The following PTPN3 variants were observed in gnomAD, a reference collection of about 807,000 sequenced individuals.
PTPN3 encodes the protein tyrosine-protein phosphatase non-receptor type 3.
A neutral mutation model predicts 132.7 loss-of-function variants in PTPN3; 96 were observed. The observed-to-expected ratio is 0.72, with a 90% confidence interval of 0.61 to 0.86. PTPN3 has a LOEUF of 0.86. PTPN3 is among the 40% of genes least tolerant of loss of function. PTPN3 has a pLI of 0.00. For synonymous variants in PTPN3, 398 were observed against 429.0 expected, an observed-to-expected ratio of 0.93 and a Z score of 0.89; for missense variants, 1,125 against 1,159.6, an observed-to-expected ratio of 0.97 and a Z score of 0.43.
At chr9:109,384,335 A>G (rs1372122583) in intron 22 of PTPN3, among the ~76,000 whole-genome samples, 1 of 152,196 alleles carries the variant, frequency 6.6e-6, no homozygotes, top group Non-Finnish European at 1.5e-5. Context: ...GAAGCCCTTG[A>G]AGGCTTTCTT....
At chr9:109,431,451 GCC>G (rs1384725649) in intron 10 of PTPN3, among the ~76,000 whole-genome samples, 3 of 152,200 alleles carry the variant, frequency 2.0e-5, no homozygotes, top group Non-Finnish European at 4.4e-5. Flanking sequence ...TGCCCATTGT[GCC>G]CTCTGCTTAG....
intron 1 of PTPN3, among the ~76,000 whole-genome samples, chr9:109,475,655 A>T (rs1276012325): frequency 1.3e-5 from 2 of 152,212 alleles, no homozygotes; most frequent in African/African-American, 4.8e-5. Context: ...TCAGGCACAG[A>T]CACGCCCATT....
At chr9:109,498,344 G>A (rs1847784500), upstream of PTPN3, 1 of 146,386 alleles carries the variant, frequency 6.8e-6, no homozygotes. This position sits in a 1 kb window ranked among gnomAD's most constrained non-coding sequence, Gnocchi z 4.2. Flanking sequence ...GGTTCCCGCC[G>A]GCCGGGCTGG....
At chr9:109,421,781 G>A (rs758580919) in intron 13 of PTPN3, among the ~76,000 whole-genome samples, 5 of 152,202 alleles carry the variant, frequency 3.3e-5, no homozygotes, top group East Asian at 1.9e-4. Flanking sequence ...CCAGTGAAGG[G>A]GTCCTTCCCT....
chr9:109,384,150 C>T (rs966675377), intron 22 of PTPN3, among the ~76,000 whole-genome samples: 3 of 152,120 alleles, frequency 2.0e-5, no homozygotes, highest in Admixed American at 2.0e-4. Flanking sequence ...GTGAGGCGGC[C>T]GGCGTGGGTG....
At chr9:109,384,339 C>T (rs1291523318) in intron 22 of PTPN3, among the ~76,000 whole-genome samples, 1 of 152,194 alleles carries the variant, frequency 6.6e-6, no homozygotes, top group Non-Finnish European at 1.5e-5. Context: ...CCCTTGAAGG[C>T]TTTCTTAGGT....
intron 19 of PTPN3, among the ~76,000 whole-genome samples, chr9:109,401,119 G>A (rs964011190): frequency 3.9e-5 from 6 of 152,252 alleles, no homozygotes; most frequent in African/African-American, 9.6e-5. Context: ...TTGAGGAACT[G>A]TATAGACAAA....
intron 1 of PTPN3, among the ~76,000 whole-genome samples, chr9:109,479,672 C>T (rs1468807862): frequency 6.6e-6 from 1 of 152,192 alleles, no homozygotes; most frequent in Admixed American, 6.5e-5. Context: ...CTCCGCCTCC[C>T]AGGCTCAATG....
intron 8 of PTPN3, among the ~76,000 whole-genome samples, 200 bp downstream of exon 8, chr9:109,437,914 T>C (rs17201542): frequency 0.038 from 5,846 of 152,284 alleles, 196 homozygotes; most frequent in East Asian, 0.2. Context: ...CCTAAACTCT[T>C]ACTGGATTTT....
the PTPN3 span, among the ~76,000 whole-genome samples, chr9:109,512,618 C>T: frequency 2.6e-5 from 4 of 152,174 alleles, no homozygotes; most frequent in African/African-American, 7.2e-5. Flanking sequence ...ACATTGAAAC[C>T]GGAAACACCA....
intron 1 of PTPN3, among the ~76,000 whole-genome samples, chr9:109,480,212 C>T (rs1047305894): frequency 1.3e-5 from 2 of 151,942 alleles, no homozygotes; most frequent in Non-Finnish European, 2.9e-5. Flanking sequence ...CTCGCTCTGT[C>T]ACCCAGGCTG....
chr9:109,452,040 C>T (rs759467216), intron 5 of PTPN3, among the ~76,000 whole-genome samples: 8 of 152,010 alleles, frequency 5.3e-5, no homozygotes, highest in Admixed American at 1.3e-4. Context: ...GAGGCCGAGG[C>T]GGGCAGATCA....
chr9:109,383,898 G>C (rs1234051904), intron 22 of PTPN3, among the ~76,000 whole-genome samples: 1 of 151,000 alleles, frequency 6.6e-6, no homozygotes, highest in African/African-American at 2.4e-5. Context: ...CAGCCCCTCA[G>C]GCCCCTCCCC....
chr9:109,466,154 T>C (rs59691558), intron 1 of PTPN3, among the ~76,000 whole-genome samples: 46,223 of 152,052 alleles, frequency 0.3, 7,474 homozygotes, highest in South Asian at 0.4. Context: ...TTTTGCTCAT[T>C]GTACCTCCAA....
At position 109,498,032 on chromosome 9, in the gene PTPN3, C is replaced by A. The variant is rs1266217393; in HGVS notation, c.-18+187G>T. ...CCGCCCCGGCCCCGCCAGGTGAGCG[C>A]AGCGGGGCGCCCCCTCCCCGCCCCG... is the stretch of plus-strand genomic sequence containing the variant. On this transcript the variant is annotated intron_variant, in intron 1 of 25. Transcript: ENST00000374541. This position sits in a 1 kb window ranked among gnomAD's most constrained non-coding sequence, Gnocchi z 4.2. Among the ~76,000 whole-genome samples, 2 of 145,230 alleles carry A rather than the reference C, an allele frequency of 1.4e-5. No individual in the cohort carries two copies. The highest frequency in any genetic ancestry group is 4.9e-5 in the African/African-American group (2 of 40,616).
chr9:109,492,366 G>A (rs544469868), intron 1 of PTPN3, among the ~76,000 whole-genome samples: 1 of 152,334 alleles, frequency 6.6e-6, no homozygotes, highest in South Asian at 2.1e-4. Flanking sequence ...AGTCCTGGAT[G>A]CTCCCTCTTG....
intron 1 of PTPN3, among the ~76,000 whole-genome samples, chr9:109,469,904 T>C (rs994567241): frequency 6.6e-6 from 1 of 152,150 alleles, no homozygotes; most frequent in African/African-American, 2.4e-5. Context: ...CAGGGACAGC[T>C]CTGCTCTTTC....
At position 109,449,295 on chromosome 9, in the gene PTPN3, T is replaced by C. The variant is rs764140084; in HGVS notation, c.369-440A>G. ...CCAGGATCCATCCACCCAAGCTCCA[T>C]CTGCATGAAGTTGCTAAAAGGAGGG... On this transcript the variant is annotated intron_variant, in intron 5 of 25. Coordinates refer to ENST00000374541, the MANE Select transcript of PTPN3 (RefSeq NM_002829.4). The C allele has an allele frequency of 1.5e-4, 147 of 990,386 alleles. 1 individual carries two copies. The highest frequency in any genetic ancestry group is 5.1e-4 in the Middle Eastern group (1 of 1,964). 61.3% of individuals were successfully genotyped at this position (990,386 alleles called of 1,614,324 possible). A position where few individuals can be genotyped will look rare whatever the true frequency, so the allele number is the denominator to read the frequency against.
intron 19 of PTPN3, among the ~76,000 whole-genome samples, chr9:109,402,526 G>A (rs1324588795): frequency 6.6e-6 from 1 of 151,840 alleles, no homozygotes; most frequent in Non-Finnish European, 1.5e-5. Context: ...TGATCCACTC[G>A]CCTCAGCCTC....
Sources: gnomAD v4.1 joint callset for allele counts (sites outside exome capture counted in the v4.1 genomes callset) on GRCh38, gnomAD v4.1.1 for gene constraint, Gnocchi (gnomAD v3.1) non-coding constraint, MANE v1.5 for transcripts, NCBI Gene and HGNC (gene_info 2026-07-23, HGNC 2026-07-21) for gene names.